Variants in ENOX2 observed in about 807,000 individuals in gnomAD.
ENOX2 encodes ecto-NOX disulfide-thiol exchanger 2, also known as APK1 antigen.
In ENOX2, 36 loss-of-function variants were observed where a neutral mutation model predicts 45.0. The ratio of observed to expected loss-of-function variants is 0.80; its 90% CI spans 0.61 to 1.06. The LOEUF (loss-of-function observed/expected upper bound fraction) is 1.06, where lower values mean the gene tolerates loss of function less well. ENOX2 is among the 50% of genes least tolerant of loss of function. ENOX2 has a pLI of 0.00. For synonymous variants in ENOX2, 174 were observed against 152.3 expected, an observed-to-expected ratio of 1.14 and a Z score of -1.05; for missense variants, 423 against 462.5, an observed-to-expected ratio of 0.91 and a Z score of 0.78.
intron 13 of ENOX2, 48 bp downstream of exon 13, chrX:130,631,420 C>A (rs1466528788): frequency 1.4e-6 from 1 of 708,142 alleles, no homozygotes; most frequent in African/African-American, 2.1e-5. Context: ...TCCTCTCCTC[C>A]ATTGTACCCA....
At chrX:130,891,147 C>G (rs1359325302) in intron 2 of ENOX2, among the ~76,000 whole-genome samples, 1 of 110,666 alleles carries the variant, frequency 9.0e-6, no homozygotes, top group Non-Finnish European at 1.9e-5. Context: ...TCAAGACCAG[C>G]CTGGGCAAGA....
intron 3 of ENOX2, among the ~76,000 whole-genome samples, chrX:130,726,842 A>G (rs2038618017): frequency 8.9e-6 from 1 of 112,257 alleles, no homozygotes; most frequent in Non-Finnish European, 1.9e-5. Context: ...TTCTCTTCCA[A>G]GGGATAGAGA....
chrX:130,783,515 G>A (rs1257983729), intron 3 of ENOX2, 32 bp downstream of exon 3: 2 of 326,719 alleles, frequency 6.1e-6, no homozygotes, highest in African/African-American at 5.3e-5. Flanking sequence ...CTCTGGTACT[G>A]GCTTAAGACA....
chrX:130,743,636 TA>T (rs984346826), intron 3 of ENOX2, among the ~76,000 whole-genome samples: 4 of 109,673 alleles, frequency 3.6e-5, no homozygotes, highest in South Asian at 4.0e-4. Context: ...CACACCTGGC[TA>T]ATTTTTTTTT....
At chrX:130,819,341 G>A (rs1202707101) in intron 2 of ENOX2, among the ~76,000 whole-genome samples, 5 of 111,716 alleles carry the variant, frequency 4.5e-5, no homozygotes, top group Non-Finnish European at 9.4e-5. Flanking sequence ...CCCAGGACCA[G>A]AAATACCATT....
intron 2 of ENOX2, among the ~76,000 whole-genome samples, chrX:130,856,687 C>T (rs1278592486): frequency 9.0e-6 from 1 of 111,124 alleles, no homozygotes; most frequent in African/African-American, 3.3e-5. Context: ...CTAAGGAACT[C>T]TTATTTCCAA....
intron 6 of ENOX2, among the ~76,000 whole-genome samples, chrX:130,671,738 G>C (rs1021117014): frequency 9.0e-6 from 1 of 111,629 alleles, no homozygotes; most frequent in Non-Finnish European, 1.9e-5. Context: ...GTGATCAGAA[G>C]GGTTCTGCCT....
At position 130,688,977 on chromosome X, in the gene ENOX2, T is replaced by A; in HGVS notation, c.139A>T (p.Ile47Leu). The change falls in exon 5 of 15, where the codon ATA becomes TTA. Residue 47 changes from isoleucine to leucine, a missense_variant. This residue lies in a region of ENOX2 where 261 missense variants were observed against 306.8 expected (regional missense o/e 0.85). Coordinates refer to ENST00000394363, the MANE Select transcript of ENOX2 (RefSeq NM_006375.4). ...CCCAAACCAGGCATCATTGGAGTTA[T>A]TGGTGGAATTCCAGTCATCATTCCA... The part of the protein sequence containing the change: ...ALGMMTGIPP[I>L]TPMMPGLGIV... 1 of 1,206,795 alleles carries A rather than the reference T, an allele frequency of 8.3e-7. No individual in the cohort carries two copies.
chrX:130,895,029 T>C (rs2079039255), intron 2 of ENOX2, among the ~76,000 whole-genome samples: 1 of 111,454 alleles, frequency 9.0e-6, no homozygotes, highest in South Asian at 3.8e-4. Context: ...CAGAACACCT[T>C]CTCTCTCTTT....
Position 130,682,360 on chromosome X carries a change from G to A in ENOX2, c.254-2612C>T, listed in dbSNP as rs192654705. On this transcript the variant is annotated intron_variant, in intron 5 of 14. Coordinates refer to ENST00000394363, the MANE Select transcript of ENOX2 (RefSeq NM_006375.4). ...AATTCTTTGGGGGGCTGAGGTGGGC[G>A]GATCACGAGGTCAGGAGATGGAGAC... 3.9e-3 allele frequency among the ~76,000 whole-genome samples: 425 copies of A among 108,604 alleles called. 1 individual carries two copies. Among genetic ancestry groups the A allele is most frequent in the African/African-American group, 0.013 (400 of 29,753 alleles). 94.3% of individuals were successfully genotyped at this position (108,604 alleles called of 115,157 possible).
At chrX:130,792,574 C>G (rs1254650702) in intron 2 of ENOX2, among the ~76,000 whole-genome samples, 1 of 111,688 alleles carries the variant, frequency 9.0e-6, no homozygotes, top group African/African-American at 3.3e-5. Flanking sequence ...GTGGGTGGAT[C>G]ACGAGGTCGG....
intron 2 of ENOX2, among the ~76,000 whole-genome samples, chrX:130,827,279 T>C (rs1007698397): frequency 8.0e-5 from 9 of 111,929 alleles, no homozygotes; most frequent in Non-Finnish European, 1.3e-4. Context: ...TAAGTGTAGA[T>C]AGATATACAC....
chrX:130,684,531 T>C (rs1156566332), intron 5 of ENOX2, among the ~76,000 whole-genome samples: 1 of 111,824 alleles, frequency 8.9e-6, no homozygotes, highest in Non-Finnish European at 1.9e-5. Flanking sequence ...TAGCATGTAG[T>C]AGTAATTACC....
intron 2 of ENOX2, among the ~76,000 whole-genome samples, chrX:130,875,006 G>T (rs909187308): frequency 6.3e-5 from 7 of 111,887 alleles, no homozygotes; most frequent in African/African-American, 2.3e-4. Context: ...CAAGAAGTGT[G>T]TGAGTCACTA....
intron 6 of ENOX2, among the ~76,000 whole-genome samples, chrX:130,673,200 G>A (rs1360115119): frequency 9.0e-6 from 1 of 111,052 alleles, no homozygotes; most frequent in Non-Finnish European, 1.9e-5. Context: ...TCGGAGTTGG[G>A]GGACGTCCCA....
At chrX:130,840,581 C>T (rs1222826112) in intron 2 of ENOX2, among the ~76,000 whole-genome samples, 1 of 108,465 alleles carries the variant, frequency 9.2e-6, no homozygotes, top group African/African-American at 3.4e-5. Flanking sequence ...CTATTAAAAC[C>T]CTTGGCCGGG....
intron 2 of ENOX2, among the ~76,000 whole-genome samples, chrX:130,859,790 G>A (rs867227479): frequency 9.0e-6 from 1 of 111,458 alleles, no homozygotes; most frequent in Non-Finnish European, 1.9e-5. Flanking sequence ...GTAATGATGT[G>A]GTGCTTAACT....
chrX:130,693,930 T>C (rs1476190886), intron 4 of ENOX2, among the ~76,000 whole-genome samples: 3 of 111,771 alleles, frequency 2.7e-5, no homozygotes, highest in Admixed American at 9.5e-5. Context: ...AGAGAGACCA[T>C]GTGGAGAGAG....
intron 3 of ENOX2, among the ~76,000 whole-genome samples, chrX:130,731,635 G>A (rs752885657): frequency 1.7e-4 from 19 of 110,024 alleles, no homozygotes; most frequent in Non-Finnish European, 3.2e-4. Context: ...CAAATTCAAC[G>A]GAATTCTATT....
Sources: allele counts gnomAD v4.1 joint callset (sites outside exome capture counted in the v4.1 genomes callset), GRCh38; gene constraint gnomAD v4.1.1; regional missense constraint gnomAD v4.1.1; transcripts MANE v1.5; gene names NCBI Gene and HGNC (gene_info 2026-07-23, HGNC 2026-07-21).